Variants in COL11A1 observed in about 807,000 individuals in gnomAD.
COL11A1 encodes collagen type XI alpha 1 chain, also known as collagen alpha-1(XI) chain.
Under a neutral mutation model 265.2 loss-of-function variants are expected in COL11A1, and 74 were observed. That is an observed-to-expected ratio of 0.28 (90% CI 0.23 to 0.34). COL11A1 has a LOEUF of 0.34. Ranked by LOEUF, COL11A1 falls within the 10% of genes least tolerant of loss-of-function variation. The pLI, the probability that COL11A1 is intolerant of heterozygous loss-of-function variation, is 1.00. For missense variants in COL11A1, 2,165 were observed against 2,263.6 expected, an observed-to-expected ratio of 0.96 and a Z score of 0.88; for synonymous variants, 816 against 727.6, an observed-to-expected ratio of 1.12 and a Z score of -1.96.
intron 56 of COL11A1, 57 bp from the exon 57 acceptor site, chr1:102,898,235 T>A: frequency 1.2e-6 from 1 of 823,944 alleles, no homozygotes; most frequent in Non-Finnish European, 1.6e-6. Flanking sequence ...CATATTTATT[T>A]ATTTATTTTA....
At chr1:102,962,138 G>T in intron 40 of COL11A1, 38 bp downstream of exon 40, 1 of 1,496,730 alleles carries the variant, frequency 6.7e-7, no homozygotes, top group Non-Finnish European at 9.3e-7. Flanking sequence ...ATAAACAATT[G>T]GAATCACTTG....
At chr1:102,882,793 G>A (rs1250966521) in intron 64 of COL11A1, among the ~76,000 whole-genome samples, 3 of 152,274 alleles carry the variant, frequency 2.0e-5, no homozygotes, top group Non-Finnish European at 4.4e-5. Flanking sequence ...AAATATGTAA[G>A]TGCAGAAAAG....
intron 54 of COL11A1, among the ~76,000 whole-genome samples, chr1:102,911,313 C>T (rs1654646635): frequency 6.6e-6 from 1 of 152,132 alleles, no homozygotes; most frequent in Non-Finnish European, 1.5e-5. Context: ...AACCCATTCA[C>T]ATTCTATGTT....
chr1:102,905,248 A>G lies in COL11A1; in HGVS notation c.4087-6254T>C, dbSNP rs1311064566. Among the ~76,000 whole-genome samples, 4 of 147,840 alleles carry G rather than the reference A, an allele frequency of 2.7e-5. No homozygotes were observed. In the South Asian group the frequency reaches 9.0e-4, roughly 33 times the overall value. On this transcript the variant is annotated intron_variant, in intron 54 of 66. Transcript: ENST00000370096. ...TGGGGTGGGGGGAGGGGGGAGGGATAGCATTAGGAGATATACCTAATGCTA... is the reference window on the plus strand; with the variant it reads ...TGGGGTGGGGGGAGGGGGGAGGGATGGCATTAGGAGATATACCTAATGCTA...
chr1:102,902,311 A>G (rs1320971870), intron 54 of COL11A1, among the ~76,000 whole-genome samples: 1 of 152,160 alleles, frequency 6.6e-6, no homozygotes, highest in Non-Finnish European at 1.5e-5. Context: ...GAATTGGAGA[A>G]AGGCAGAGTC....
At chr1:103,024,797 T>C (rs35707694) in intron 7 of COL11A1, among the ~76,000 whole-genome samples, 12,024 of 152,196 alleles carry the variant, frequency 0.079, 528 homozygotes, top group Middle Eastern at 0.13. Context: ...ATAAATTTTC[T>C]TAAAACTAAA....
chr1:103,030,936 A>T, intron 5 of COL11A1, 180 bp downstream of exon 5: 3 of 729,806 alleles, frequency 4.1e-6, no homozygotes, highest in Non-Finnish European at 6.7e-6. Flanking sequence ...AAATGCTTAA[A>T]CAGCAAGAAA....
At chr1:103,041,531 C>A (rs1668807445) in intron 4 of COL11A1, among the ~76,000 whole-genome samples, 1 of 151,590 alleles carries the variant, frequency 6.6e-6, no homozygotes, top group Admixed American at 6.6e-5. Flanking sequence ...AAAATAGTCC[C>A]TTATTTTTGC....
In COL11A1 at chr1:102,914,368, C is replaced by T; in HGVS notation, c.3962G>A (p.Gly1321Glu). The T allele has an allele frequency of 6.2e-7, 1 of 1,608,182 alleles. No homozygotes were observed. The highest frequency in any genetic ancestry group is 2.2e-5 in the East Asian group (1 of 44,762). ...GATACTTACTGCAGGGCCAGGTTCC[C>T]CAGGAGGACCAGGATCTCCAGGAAA... ...VGFPGDPGPP[G>E]EPGPAGQDGV... The change falls in exon 52 of 67, where the codon GGG becomes GAG. Residue 1321 changes from glycine (G) to glutamate (E), a missense_variant. By Grantham distance (98) the Gly-to-Glu change is moderately conservative. Coordinates refer to ENST00000370096, the MANE Select transcript of COL11A1 (RefSeq NM_001854.4).
At chr1:102,987,518 T>G in intron 30 of COL11A1, 115 bp downstream of exon 30, 1 of 811,050 alleles carries the variant, frequency 1.2e-6, no homozygotes, top group Non-Finnish European at 2.1e-6. Flanking sequence ...TAATGAAACA[T>G]TTTATCTTTA....
chr1:103,018,970 A>G, intron 9 of COL11A1, 111 bp from the exon 10 acceptor site: 1 of 798,178 alleles, frequency 1.3e-6, no homozygotes, highest in Non-Finnish European at 2.1e-6. Context: ...TGAATTATCT[A>G]TTCATACCAC....
chr1:102,966,033 T>C (rs1661372315), intron 37 of COL11A1, among the ~76,000 whole-genome samples: 1 of 152,214 alleles, frequency 6.6e-6, no homozygotes, highest in Non-Finnish European at 1.5e-5. Flanking sequence ...AGTAATTATT[T>C]TAGCGTTTAT....
In COL11A1 at chr1:102,926,409, T is replaced by C. The variant is rs986064620; in HGVS notation, c.3601-3020A>G. On this transcript the variant is annotated intron_variant, in intron 46 of 66. Transcript: ENST00000370096. ...TGTGTATATATCCTTCATATGCAGA[T>C]GACAGTAAACATCAAATTGAAAAAT... 3.9e-5 allele frequency among the ~76,000 whole-genome samples: 6 copies of C among 152,292 alleles called. No homozygotes were observed. The East Asian group carries it at 1.2e-3, about 29-fold the overall frequency.
At chr1:102,994,482 A>C (rs1381863307) in intron 28 of COL11A1, among the ~76,000 whole-genome samples, 1 of 151,986 alleles carries the variant, frequency 6.6e-6, no homozygotes, top group African/African-American at 2.4e-5. Context: ...CTTCCACTGG[A>C]AGCTCCCTGA....
At chr1:102,912,354 A>G (rs1403493812) in intron 53 of COL11A1, 142 bp from the exon 54 acceptor site, 2 of 649,050 alleles carry the variant, frequency 3.1e-6, no homozygotes, top group Non-Finnish European at 5.3e-6. Context: ...GCCCTATTTC[A>G]GATACCTAAA....
intron 14 of COL11A1, 128 bp from the exon 15 acceptor site, chr1:103,008,644 T>G (rs1665852241): frequency 1.2e-6 from 1 of 836,470 alleles, no homozygotes; most frequent in Non-Finnish European, 2.0e-6. Context: ...ATTAACTTAT[T>G]AATTAACACA....
intron 14 of COL11A1, among the ~76,000 whole-genome samples, chr1:103,010,137 G>A (rs572735666): frequency 7.9e-5 from 12 of 152,218 alleles, no homozygotes; most frequent in Admixed American, 5.2e-4. Context: ...TTATGATACA[G>A]TCCTCCATTT....
At chr1:103,074,475 A>T in intron 4 of COL11A1, 143 bp downstream of exon 4, 1 of 834,874 alleles carries the variant, frequency 1.2e-6, no homozygotes, top group Non-Finnish European at 1.9e-6. Context: ...TCACCACTAT[A>T]CTCACAGAGG....
intron 4 of COL11A1, among the ~76,000 whole-genome samples, chr1:103,045,881 C>G (rs1262041306): frequency 6.6e-6 from 1 of 151,610 alleles, no homozygotes; most frequent in Non-Finnish European, 1.5e-5. Context: ...GTTTTTTGTC[C>G]TTGTGACAGT....
Sources: gnomAD v4.1 joint callset for allele counts (sites outside exome capture counted in the v4.1 genomes callset) on GRCh38, gnomAD v4.1.1 for gene constraint, MANE v1.5 for transcripts, NCBI Gene and HGNC (gene_info 2026-07-23, HGNC 2026-07-21) for gene names.